The following FAIM variants were observed in gnomAD, a reference collection of about 807,000 sequenced individuals.
FAIM encodes Fas apoptotic inhibitory molecule.
FAIM carries 14 observed loss-of-function variants against 21.2 expected under a neutral mutation model. That is an observed-to-expected ratio of 0.66 (90% CI 0.44 to 1.03). The LOEUF (loss-of-function observed/expected upper bound fraction) is 1.03, where lower values mean the gene tolerates loss of function less well. FAIM is among the 50% of genes least tolerant of loss of function. The pLI is 0.00. For missense variants in FAIM, 222 were observed against 247.1 expected (o/e 0.90, Z 0.68); for synonymous variants, 86 against 80.4 (o/e 1.07, Z -0.37).
At chr3:138,609,791 T>C (rs1305839140) in intron 1 of FAIM, among the ~76,000 whole-genome samples, 2 of 152,012 alleles carry the variant, frequency 1.3e-5, no homozygotes, top group African/African-American at 4.8e-5. Context: ...AAGTAATTCA[T>C]TGAGCATCGT....
At chr3:138,621,844 G>A (rs1161761514) in intron 3 of FAIM, among the ~76,000 whole-genome samples, 2 of 151,672 alleles carry the variant, frequency 1.3e-5, no homozygotes, top group Non-Finnish European at 2.9e-5. Flanking sequence ...GTGCAGTGGC[G>A]CAGTCTCAGC....
At chr3:138,609,579 CTCTCTCTCTCTCGA>C (rs1560491004) in intron 1 of FAIM, among the ~76,000 whole-genome samples, 27 of 3,634 alleles carry the variant, frequency 7.4e-3, no homozygotes, top group African/African-American at 0.016. Flanking sequence ...TCTCTCTCGA[CTCTCTCTCTCTCGA>C]CTCTCTCTCT....
At chr3:138,611,732 T>G (rs962668748) in intron 1 of FAIM, among the ~76,000 whole-genome samples, 3 of 152,184 alleles carry the variant, frequency 2.0e-5, no homozygotes, top group Non-Finnish European at 4.4e-5. Context: ...TAGAGCTGTT[T>G]GATAAAAAGA....
intron 1 of FAIM, 120 bp downstream of exon 1, chr3:138,609,057 G>C (rs1267841011): frequency 6.5e-6 from 1 of 152,938 alleles, no homozygotes; most frequent in Admixed American, 6.5e-5. Flanking sequence ...CCACGCTCTC[G>C]GCCCTGCTGC....
intron 1 of FAIM, chr3:138,610,987 A>C (rs1283820835): frequency 1.2e-6 from 2 of 1,613,612 alleles, no homozygotes; most frequent in Admixed American, 1.7e-5. Flanking sequence ...GGACACTCCC[A>C]CTGTTGTGCT....
At chr3:138,615,250 G>T (rs758804471) in intron 1 of FAIM, among the ~76,000 whole-genome samples, 2 of 152,202 alleles carry the variant, frequency 1.3e-5, no homozygotes, top group Non-Finnish European at 2.9e-5. Flanking sequence ...TACCAAACAC[G>T]TATCTCTTTT....
intron 4 of FAIM, among the ~76,000 whole-genome samples, chr3:138,623,792 A>G (rs971270502): frequency 6.6e-6 from 1 of 152,112 alleles, no homozygotes; most frequent in African/African-American, 2.4e-5. Flanking sequence ...TCTTCCAGTT[A>G]TTGAACCCCA....
At position 138,633,254 on chromosome 3, in the gene FAIM, A is replaced by C. The variant is rs1374795873; in HGVS notation, c.*175A>C. Reference sequence around the variant, plus strand: ...AAAACCAATTATGTATAGTCATAAAAATTACAATTTATGATGCAAATAATG... The same window carrying C: ...AAAACCAATTATGTATAGTCATAAACATTACAATTTATGATGCAAATAATG... On this transcript the variant is annotated 3_prime_UTR_variant, in exon 6 of 6. Coordinates refer to ENST00000360570, the MANE Select transcript of FAIM (RefSeq NM_001033031.2). The C allele has an allele frequency of 2.3e-6, 1 of 435,446 alleles. No homozygotes were observed. Among genetic ancestry groups the C allele is most frequent in the Admixed American group, 4.3e-5 (1 of 23,128 alleles). The allele number at this position is 435,446 out of a possible 1,614,324, so 27.0% of individuals were successfully genotyped here.
At chr3:138,611,188 C>T (rs915881998) in intron 1 of FAIM, 8 of 698,982 alleles carry the variant, frequency 1.1e-5, no homozygotes, top group Admixed American at 2.6e-5. Flanking sequence ...AAATTGGGGA[C>T]AAGGACAGAT....
Position 138,632,462 on chromosome 3 carries a change from TG to T in FAIM, c.457-467del. Among the ~76,000 whole-genome samples the T allele has an allele frequency of 2.0e-5, 3 of 152,202 alleles. No homozygotes were observed. The East Asian group carries it at 5.8e-4, about 29-fold the overall frequency. On this transcript the variant is annotated intron_variant, in intron 5 of 5. Transcript: ENST00000360570. Reference sequence around the variant, plus strand: ...GTATAGATTTAGTGGTGTTTGGTTTTGTTATATGTATATTTTACTGTAAGCC... The same window carrying T: ...GTATAGATTTAGTGGTGTTTGGTTTTTTATATGTATATTTTACTGTAAGCC...
At chr3:138,622,444 T>C (rs1449291402) in intron 4 of FAIM, 28 bp downstream of exon 4, 3 of 446,968 alleles carry the variant, frequency 6.7e-6, no homozygotes, top group Non-Finnish European at 9.0e-6. Flanking sequence ...CCGCAGAACT[T>C]TTTTTTTTTT....
chr3:138,609,572 CT>C, intron 1 of FAIM, among the ~76,000 whole-genome samples: 1 of 95,836 alleles, frequency 1.0e-5, no homozygotes, highest in African/African-American at 4.0e-5. Flanking sequence ...CTCTCTCTCT[CT>C]CTCGACTCTC....
intron 4 of FAIM, among the ~76,000 whole-genome samples, chr3:138,628,153 C>T (rs549693428): frequency 1.3e-5 from 2 of 152,262 alleles, no homozygotes; most frequent in East Asian, 3.9e-4. Context: ...CATTTTGTTC[C>T]ATATTGTTCC....
chr3:138,622,434 C>A lies in FAIM; in HGVS notation c.406+18C>A. The A allele has an allele frequency of 6.9e-7, 1 of 1,455,298 alleles. No individual in the cohort carries two copies. The highest frequency in any genetic ancestry group is 1.3e-5 in the South Asian group (1 of 77,624). The allele number at this position is 1,455,298 out of a possible 1,614,324, so 90.1% of individuals were successfully genotyped here. A position where few individuals can be genotyped will look rare whatever the true frequency, so the allele number is the denominator to read the frequency against. ...TGTTTTGGGTAAGTTAGTGCTGTTTCCGCAGAACTTTTTTTTTTTTTTTAT... is the reference window on the plus strand; with the variant it reads ...TGTTTTGGGTAAGTTAGTGCTGTTTACGCAGAACTTTTTTTTTTTTTTTAT... On this transcript the variant is annotated intron_variant, in intron 4 of 5. Coordinates refer to ENST00000360570, the MANE Select transcript of FAIM (RefSeq NM_001033031.2).
intron 4 of FAIM, among the ~76,000 whole-genome samples, chr3:138,626,729 A>G (rs1257222229): frequency 6.6e-6 from 1 of 152,178 alleles, no homozygotes; most frequent in East Asian, 1.9e-4. Flanking sequence ...TAGGACTTCT[A>G]TTCTTCTGGG....
chr3:138,632,915 C>T lies in FAIM; in HGVS notation c.457-15C>T. ...GTTTCTGCACCACTAATTCCTTCTTCTTTTGTTGCTCCAGGGTGAGTTTGT... is the reference window on the plus strand; with the variant it reads ...GTTTCTGCACCACTAATTCCTTCTTTTTTTGTTGCTCCAGGGTGAGTTTGT... On this transcript the variant is annotated splice_polypyrimidine_tract_variant and intron_variant, in intron 5 of 5. Coordinates refer to ENST00000360570, the MANE Select transcript of FAIM (RefSeq NM_001033031.2). 6.2e-7 allele frequency: 1 copy of T among 1,610,048 alleles called. No individual in the cohort carries two copies. The highest frequency in any genetic ancestry group is 8.5e-7 in the Non-Finnish European group (1 of 1,178,302).
At position 138,610,024 on chromosome 3, in the gene FAIM, T is replaced by A. The variant is rs80340326; in HGVS notation, c.-17+1087T>A. On this transcript the variant is annotated intron_variant, in intron 1 of 5. Transcript: ENST00000360570. ...GATTTTACTGGAGACCCCCCTCACT[T>A]CATAAGGGGCCGGCCCGGAGATGAA... Among the ~76,000 whole-genome samples the A allele has an allele frequency of 1.9e-3, 288 of 152,234 alleles. 2 individuals are homozygous for A. The highest frequency in any genetic ancestry group is 6.7e-3 in the African/African-American group (279 of 41,538).
At chr3:138,613,281 A>G (rs1286106320) in intron 1 of FAIM, among the ~76,000 whole-genome samples, 2 of 151,888 alleles carry the variant, frequency 1.3e-5, no homozygotes, top group East Asian at 3.9e-4. Flanking sequence ...CAGCCTCCCA[A>G]ATTGCTGGGA....
intron 4 of FAIM, among the ~76,000 whole-genome samples, chr3:138,627,042 T>C (rs2042946570): frequency 6.6e-6 from 1 of 152,190 alleles, no homozygotes; most frequent in Admixed American, 6.5e-5. Context: ...TTCTCCTTGA[T>C]TTCTCATAGT....
Sources: allele counts gnomAD v4.1 joint callset (sites outside exome capture counted in the v4.1 genomes callset), GRCh38; gene constraint gnomAD v4.1.1; transcripts MANE v1.5; gene names NCBI Gene and HGNC (gene_info 2026-07-23, HGNC 2026-07-21).